Variants in ATRNL1 observed in about 807,000 individuals in gnomAD.
The protein encoded by ATRNL1 is attractin like 1.
Under a neutral mutation model 182.7 loss-of-function variants are expected in ATRNL1, and 95 were observed. The observed-to-expected ratio is 0.52, with a 90% CI of 0.44 to 0.62. The LOEUF (loss-of-function observed/expected upper bound fraction) is 0.62. Ranked by LOEUF, ATRNL1 falls within the 20% of genes least tolerant of loss-of-function variation. The pLI is 0.00. For missense variants in ATRNL1, 1,471 were observed against 1,679.5 expected, an observed-to-expected ratio of 0.88 and a Z score of 2.17; for synonymous variants, 576 against 568.3, an observed-to-expected ratio of 1.01 and a Z score of -0.19.
intron 8 of ATRNL1, among the ~76,000 whole-genome samples, 177 bp from the exon 9 acceptor site, chr10:115,215,520 C>G (rs1043941486): frequency 6.6e-6 from 1 of 151,962 alleles, no homozygotes; most frequent in African/African-American, 2.4e-5. Context: ...AACTTCAAAC[C>G]CAGCACCTAA....
chr10:115,916,321 T>A (rs1952848450), intron 28 of ATRNL1, among the ~76,000 whole-genome samples: 1 of 152,238 alleles, frequency 6.6e-6, no homozygotes, highest in South Asian at 2.1e-4. Context: ...AGTAACATTA[T>A]AAATTCCTAC....
chr10:115,637,089 A>G (rs1232003530), intron 26 of ATRNL1, among the ~76,000 whole-genome samples: 1 of 152,212 alleles, frequency 6.6e-6, no homozygotes, highest in Non-Finnish European at 1.5e-5. Flanking sequence ...GGACCTCAAT[A>G]CCTAGTGGTC....
chr10:115,734,689 A>G (rs1181031273), intron 27 of ATRNL1, among the ~76,000 whole-genome samples: 4 of 151,926 alleles, frequency 2.6e-5, no homozygotes, highest in African/African-American at 9.7e-5. Flanking sequence ...CTCTCTTTGG[A>G]TATTGATTTT....
chr10:115,696,025 A>G (rs1946546747), intron 26 of ATRNL1, among the ~76,000 whole-genome samples: 1 of 151,804 alleles, frequency 6.6e-6, no homozygotes. Flanking sequence ...CAGCCTCCTG[A>G]GTAGCTGGGA....
intron 24 of ATRNL1, among the ~76,000 whole-genome samples, chr10:115,505,314 A>G (rs1418180499): frequency 6.6e-6 from 1 of 152,082 alleles, no homozygotes; most frequent in South Asian, 2.1e-4. Context: ...TGCACTTAAA[A>G]TAATTCTTTT....
At chr10:115,699,780 C>T (rs1946675100) in intron 26 of ATRNL1, among the ~76,000 whole-genome samples, 1 of 152,048 alleles carries the variant, frequency 6.6e-6, no homozygotes, top group South Asian at 2.1e-4. Flanking sequence ...ATACCATTGA[C>T]CCCGTCATCG....
intron 19 of ATRNL1, among the ~76,000 whole-genome samples, chr10:115,361,770 A>G (rs1357984648): frequency 1.3e-5 from 2 of 152,052 alleles, no homozygotes; most frequent in Non-Finnish European, 2.9e-5. Context: ...TGTAAATTTT[A>G]TAGCACTCTT....
At chr10:115,921,012 C>T (rs2615884) in intron 28 of ATRNL1, among the ~76,000 whole-genome samples, 107,175 of 152,050 alleles carry the variant, frequency 0.7, 39,773 homozygotes, top group East Asian at 0.94. Context: ...AATTTCCTTC[C>T]CTTCTACAGT....
chr10:115,344,724 C>G (rs1855902013), intron 19 of ATRNL1, among the ~76,000 whole-genome samples: 1 of 152,188 alleles, frequency 6.6e-6, no homozygotes, highest in African/African-American at 2.4e-5. Flanking sequence ...GCCACTGCAG[C>G]TGGTAATGTG....
At chr10:115,440,893 T>A (rs1554965588) in intron 21 of ATRNL1, among the ~76,000 whole-genome samples, 1 of 151,940 alleles carries the variant, frequency 6.6e-6, no homozygotes, top group African/African-American at 2.4e-5. Context: ...AATAAGTGTT[T>A]TAAAACTTCA....
chr10:115,883,118 G>C (rs1464656827), intron 28 of ATRNL1, among the ~76,000 whole-genome samples: 1 of 152,178 alleles, frequency 6.6e-6, no homozygotes, highest in East Asian at 1.9e-4. Context: ...GCTTTGCGCA[G>C]ATGGTAGGAG....
At chr10:115,584,457 T>A (rs1565187978) in intron 26 of ATRNL1, among the ~76,000 whole-genome samples, 1 of 141,824 alleles carries the variant, frequency 7.1e-6, no homozygotes, top group Non-Finnish European at 1.6e-5. Context: ...GAGATTCAAC[T>A]TCTTCTTGGT....
intron 17 of ATRNL1, among the ~76,000 whole-genome samples, chr10:115,311,600 A>G (rs1554927842): frequency 6.6e-6 from 1 of 152,186 alleles, no homozygotes; most frequent in Non-Finnish European, 1.5e-5. Flanking sequence ...GTTCTTGGGT[A>G]GAATGTTCTG....
At chr10:115,530,226 C>T (rs1851486662) in intron 25 of ATRNL1, among the ~76,000 whole-genome samples, 1 of 152,052 alleles carries the variant, frequency 6.6e-6, no homozygotes, top group Non-Finnish European at 1.5e-5. Flanking sequence ...TTTCATTTCT[C>T]TTAAGTATAT....
At chr10:115,449,968 G>A (rs377453036) in intron 21 of ATRNL1, among the ~76,000 whole-genome samples, 3 of 152,206 alleles carry the variant, frequency 2.0e-5, no homozygotes, top group East Asian at 1.9e-4. Flanking sequence ...AAGTAAGTAG[G>A]CTTCATCCCC....
chr10:115,315,420 A>G (rs1554929243), intron 17 of ATRNL1, 98 bp from the exon 18 acceptor site: 1 of 879,862 alleles, frequency 1.1e-6, no homozygotes, highest in African/African-American at 1.7e-5. Flanking sequence ...ATGACCTTTC[A>G]TGGTTTTTAT....
chr10:115,416,439 AAT>A (rs1175434730), intron 20 of ATRNL1, among the ~76,000 whole-genome samples: 2 of 152,174 alleles, frequency 1.3e-5, no homozygotes, highest in African/African-American at 2.4e-5. Flanking sequence ...CACTTTAGAT[AAT>A]ATATGTTTCT....
rs139131807 is a variant in ATRNL1, at chr10:115,264,094, T to A, written c.1688-1099T>A. On this transcript the variant is annotated intron_variant, in intron 10 of 28. Coordinates refer to ENST00000355044, the MANE Select transcript of ATRNL1 (RefSeq NM_207303.4). ...TTCAGCATCATTCTCTTTTTTTTTT[T>A]AATTATACTTTAAGTTCTAGGGTTC... Among the ~76,000 whole-genome samples, 437 of 150,522 alleles carry A rather than the reference T, an allele frequency of 2.9e-3. 2 individuals are homozygous for A. The highest frequency in any genetic ancestry group is 9.6e-3 in the African/African-American group (398 of 41,458).
chr10:115,168,033 TTCTC>T (rs1165795376), intron 7 of ATRNL1, among the ~76,000 whole-genome samples: 3 of 152,248 alleles, frequency 2.0e-5, no homozygotes, highest in Admixed American at 6.5e-5. Context: ...GCTACTTTCT[TTCTC>T]TATATATTGG....
Sources: gnomAD v4.1 joint callset for allele counts (sites outside exome capture counted in the v4.1 genomes callset) on GRCh38, gnomAD v4.1.1 for gene constraint, MANE v1.5 for transcripts, NCBI Gene and HGNC (gene_info 2026-07-23, HGNC 2026-07-21) for gene names.